The following MEF2A variants were observed in gnomAD, a reference collection of about 807,000 sequenced individuals.
The protein encoded by MEF2A is myocyte-specific enhancer factor 2A.
A neutral mutation model predicts 55.8 loss-of-function variants in MEF2A; 28 were observed. The ratio of observed to expected loss-of-function variants is 0.50; its 90% CI spans 0.37 to 0.69. The LOEUF (loss-of-function observed/expected upper bound fraction) is 0.69. Ranked by LOEUF, MEF2A falls within the 30% of genes least tolerant of loss-of-function variation. MEF2A has a pLI of 0.00. For synonymous variants in MEF2A, 239 were observed against 227.1 expected (o/e 1.05, Z -0.47); for missense variants, 528 against 626.2 (o/e 0.84, Z 1.67).
chr15:99,663,082 T>A (rs1182617523), intron 4 of MEF2A, among the ~76,000 whole-genome samples: 1 of 152,130 alleles, frequency 6.6e-6, no homozygotes. Flanking sequence ...TATGTTAATT[T>A]TTTTTTTCAG....
Position 99,706,762 on chromosome 15 carries a change from C to A in MEF2A, c.916C>A (p.Gln306Lys). ...TQRISSSQATQPLATPVVSVT... is the reference protein window; with the variant it reads ...TQRISSSQATKPLATPVVSVT... ...GAGGATCAGTAGTTCTCAAGCCACT[C>A]AACCTCTTGCTACCCCAGTCGTGTC... The change falls in exon 10 of 12, where the codon CAA becomes AAA. Residue 306 changes from glutamine to lysine, a missense_variant. Gln to Lys is a moderately conservative substitution (Grantham distance 53). Transcript: ENST00000557942. 1 of 1,613,820 alleles carries A rather than the reference C, an allele frequency of 6.2e-7. No individual in the cohort carries two copies. The highest frequency in any genetic ancestry group is 8.5e-7 in the Non-Finnish European group (1 of 1,179,724).
intron 8 of MEF2A, among the ~76,000 whole-genome samples, chr15:99,692,120 T>G (rs2055602892): frequency 2.0e-5 from 3 of 152,246 alleles, no homozygotes; most frequent in Admixed American, 1.3e-4. Context: ...GCTGTCAGGC[T>G]TAGATAATAA....
intron 7 of MEF2A, chr15:99,678,656 A>G (rs923364897): frequency 1.1e-5 from 11 of 984,930 alleles, no homozygotes; most frequent in African/African-American, 3.5e-5. Flanking sequence ...AGGCCCATGT[A>G]CTGCTAAAAG....
rs2045814151 is a variant in MEF2A, at chr15:99,645,457, C to A, written c.55-104C>A. On this transcript the variant is annotated intron_variant, in intron 3 of 11. Transcript: ENST00000557942. Reference sequence around the variant, plus strand: ...GGACAAAGCTGGGAACCTTTTCCATCTTTGAAATCTGGCTCAGTATTAAGA... The same window carrying A: ...GGACAAAGCTGGGAACCTTTTCCATATTTGAAATCTGGCTCAGTATTAAGA... 1.9e-5 allele frequency: 16 copies of A among 837,502 alleles called. No homozygotes were observed. The South Asian group carries it at 2.5e-4, about 13-fold the overall frequency. The allele number at this position is 837,502 out of a possible 1,614,324, so 51.9% of individuals were successfully genotyped here.
At chr15:99,679,213 C>T (rs2052724408) in intron 7 of MEF2A, among the ~76,000 whole-genome samples, 1 of 152,204 alleles carries the variant, frequency 6.6e-6, no homozygotes, top group Non-Finnish European at 1.5e-5. Flanking sequence ...AGCATTTTCA[C>T]TCATCCTTAT....
At chr15:99,620,027 C>T (rs1336641502) in intron 2 of MEF2A, among the ~76,000 whole-genome samples, 1 of 152,180 alleles carries the variant, frequency 6.6e-6, no homozygotes, top group African/African-American at 2.4e-5. Flanking sequence ...TAAAAGCATC[C>T]ATTAGTTCTT....
intron 2 of MEF2A, among the ~76,000 whole-genome samples, chr15:99,610,043 C>G (rs1025269241): frequency 6.6e-5 from 10 of 151,678 alleles, no homozygotes; most frequent in Admixed American, 6.6e-4. Flanking sequence ...TTTAGAGGAC[C>G]CAGGGTATCA....
intron 2 of MEF2A, among the ~76,000 whole-genome samples, chr15:99,600,210 A>G (rs1266069154): frequency 6.6e-6 from 1 of 152,122 alleles, no homozygotes; most frequent in Non-Finnish European, 1.5e-5. Context: ...TTCAGATGTT[A>G]TATTTTGAGT....
At chr15:99,674,714 G>A (rs753409671) in intron 6 of MEF2A, 102 bp downstream of exon 6, 2 of 981,260 alleles carry the variant, frequency 2.0e-6, no homozygotes, top group East Asian at 2.4e-5. Flanking sequence ...TTATTGCTTT[G>A]ATGAGCAAGA....
At chr15:99,612,642 G>C (rs1463379567) in intron 2 of MEF2A, among the ~76,000 whole-genome samples, 2 of 152,090 alleles carry the variant, frequency 1.3e-5, no homozygotes, top group Non-Finnish European at 2.9e-5. Context: ...CTTGAGCCTA[G>C]GAGGTTGAAC....
chr15:99,666,356 G>A (rs1440084404), intron 4 of MEF2A, among the ~76,000 whole-genome samples: 7 of 151,914 alleles, frequency 4.6e-5, no homozygotes, highest in Non-Finnish European at 7.4e-5. Context: ...ACTAAACACC[G>A]CATGTTCTCA....
At chr15:99,600,894 T>C (rs1224377500) in intron 2 of MEF2A, among the ~76,000 whole-genome samples, 3 of 152,192 alleles carry the variant, frequency 2.0e-5, no homozygotes, top group African/African-American at 7.2e-5. Flanking sequence ...TTTATTTCTT[T>C]CTATGTAGTT....
At chr15:99,671,785 AT>A (rs1412621928) in intron 5 of MEF2A, 2 of 1,049,924 alleles carry the variant, frequency 1.9e-6, no homozygotes, top group Non-Finnish European at 2.6e-6. Context: ...TTTTATTAGT[AT>A]TTTTTATAAA....
chr15:99,689,628 GCGCCACCACAT>G (rs1200928566), intron 7 of MEF2A, among the ~76,000 whole-genome samples: 12 of 152,108 alleles, frequency 7.9e-5, no homozygotes, highest in Admixed American at 3.9e-4. Context: ...TCACAGGCGG[GCGCCACCACAT>G]CCAGCTAATT....
At position 99,603,209 on chromosome 15, in the gene MEF2A, C is replaced by A. The variant is rs111664846; in HGVS notation, c.-143+4698C>A. On this transcript the variant is annotated intron_variant, in intron 2 of 11. Coordinates refer to ENST00000557942, the MANE Select transcript of MEF2A (RefSeq NM_001319206.4). ...TCCATTGTGATTTTTTTTCCTTGACCCACGTCATTTTCAAATATTTGGTTA... is the reference window on the plus strand; with the variant it reads ...TCCATTGTGATTTTTTTTCCTTGACACACGTCATTTTCAAATATTTGGTTA... Among the ~76,000 whole-genome samples the A allele has an allele frequency of 1.6e-3, 236 of 151,812 alleles. 3 individuals carry two copies. The highest frequency in any genetic ancestry group is 1.4e-3 in the Non-Finnish European group (93 of 67,940).
At chr15:99,711,355 C>T (rs2058624264) in intron 11 of MEF2A, among the ~76,000 whole-genome samples, 1 of 152,224 alleles carries the variant, frequency 6.6e-6, no homozygotes, top group Admixed American at 6.5e-5. Context: ...AATGCACACA[C>T]CAAACCTCAT....
At chr15:99,643,367 T>C (rs2045364650) in intron 3 of MEF2A, among the ~76,000 whole-genome samples, 1 of 152,196 alleles carries the variant, frequency 6.6e-6, no homozygotes, top group Non-Finnish European at 1.5e-5. Context: ...AAATGTACTC[T>C]TAACAGCTTG....
chr15:99,624,004 C>G (rs2041679114), intron 2 of MEF2A, among the ~76,000 whole-genome samples: 1 of 152,084 alleles, frequency 6.6e-6, no homozygotes, highest in Admixed American at 6.5e-5. Context: ...TTGGGTTTCA[C>G]TATGTTGGTC....
rs79171461 is a variant in MEF2A, at chr15:99,670,728, C to T, written c.259-595C>T. On this transcript the variant is annotated intron_variant, in intron 4 of 11. Transcript: ENST00000557942. Reference sequence around the variant, plus strand: ...TGCAAATTTTAAAAATATGTAAAGTCACTGATAATTTGTACATTCTACATA... The same window carrying T: ...TGCAAATTTTAAAAATATGTAAAGTTACTGATAATTTGTACATTCTACATA... 2.6e-3 allele frequency among the ~76,000 whole-genome samples: 389 copies of T among 152,220 alleles called. 4 individuals carry two copies. Among genetic ancestry groups the T allele is most frequent in the African/African-American group, 9.0e-3 (372 of 41,550 alleles).
Sources: gnomAD v4.1 joint callset for allele counts (sites outside exome capture counted in the v4.1 genomes callset) on GRCh38, gnomAD v4.1.1 for gene constraint, MANE v1.5 for transcripts, NCBI Gene and HGNC (gene_info 2026-07-23, HGNC 2026-07-21) for gene names.